Variants in TNS3 observed in about 807,000 individuals in gnomAD.
TNS3 encodes the protein tensin 3, also known as tensin-3.
TNS3 carries 45 observed loss-of-function variants against 140.9 expected under a neutral mutation model. That is an observed-to-expected ratio of 0.32 (90% CI 0.25 to 0.41). The LOEUF (loss-of-function observed/expected upper bound fraction) is 0.41, where lower values mean the gene tolerates loss of function less well. Among genes scored for constraint, TNS3 ranks in the 10% least tolerant of loss-of-function variants. The pLI is 1.00. For synonymous variants in TNS3, 815 were observed against 788.4 expected (o/e 1.03, Z -0.56); for missense variants, 1,716 against 1,906.7 (o/e 0.90, Z 1.86).
intron 2 of TNS3, among the ~76,000 whole-genome samples, chr7:47,514,308 C>A (rs969130773): frequency 6.6e-6 from 1 of 152,228 alleles, no homozygotes; most frequent in Non-Finnish European, 1.5e-5. Flanking sequence ...CTCCTGAAGT[C>A]CTAATACTGC....
chr7:47,303,000 T>C lies in TNS3; in HGVS notation c.3407A>G (p.Asn1136Ser). 6.2e-7 allele frequency: 1 copy of C among 1,613,240 alleles called. No homozygotes were observed. The highest frequency in any genetic ancestry group is 8.5e-7 in the Non-Finnish European group (1 of 1,179,374). Residue 1136 changes from asparagine to serine, a missense_variant, in exon 22 of 31, where the codon AAT (asparagine) becomes AGT (serine). By Grantham distance (46) the Asn-to-Ser change is conservative. Transcript: ENST00000311160. ...AGCCTTGGAAAAGTCGGGAAGGACA[T>C]TTGGGAAGGGGATACTGATGGTGCT... ...SGSTISIPFP[N>S]VLPDFSKASE...
chr7:47,330,062 G>A (rs1418543203), intron 20 of TNS3, among the ~76,000 whole-genome samples: 1 of 152,216 alleles, frequency 6.6e-6, no homozygotes, highest in Admixed American at 6.5e-5. Context: ...GTGGGCTCCA[G>A]GTGGCAGCAA....
chr7:47,544,509 A>G (rs902258351), intron 1 of TNS3, among the ~76,000 whole-genome samples: 2 of 152,140 alleles, frequency 1.3e-5, no homozygotes, highest in African/African-American at 4.8e-5. Flanking sequence ...GGGACCCCAC[A>G]AGACCCTTCA....
chr7:47,478,660 T>C (rs1158265449), intron 4 of TNS3, among the ~76,000 whole-genome samples: 3 of 152,028 alleles, frequency 2.0e-5, no homozygotes, highest in African/African-American at 7.2e-5. Flanking sequence ...TTACATAACA[T>C]ATATACACTC....
intron 4 of TNS3, among the ~76,000 whole-genome samples, chr7:47,459,006 G>T (rs1237435880): frequency 6.6e-6 from 1 of 152,020 alleles, no homozygotes; most frequent in East Asian, 1.9e-4. Context: ...ACTTTCTTCC[G>T]CCCATACTTA....
chr7:47,278,489 T>C, intron 30 of TNS3: 1 of 399,656 alleles, frequency 2.5e-6, no homozygotes, highest in Non-Finnish European at 4.5e-6. Flanking sequence ...GGTTAGGACC[T>C]GAATCAAAGC....
intron 3 of TNS3, among the ~76,000 whole-genome samples, chr7:47,495,887 AG>A (rs982261428): frequency 1.1e-4 from 17 of 152,220 alleles, no homozygotes; most frequent in African/African-American, 3.6e-4. Flanking sequence ...GGCAGAGGGA[AG>A]GGGTAAGGAC....
chr7:47,389,542 G>T (rs901418424), intron 16 of TNS3, among the ~76,000 whole-genome samples: 2 of 152,164 alleles, frequency 1.3e-5, no homozygotes, highest in Non-Finnish European at 2.9e-5. Context: ...GAAAAGTAAC[G>T]AACACTTAAT....
intron 1 of TNS3, among the ~76,000 whole-genome samples, chr7:47,530,838 A>AAAAAAAAAAAAATATATATAT: frequency 1.8e-5 from 1 of 54,566 alleles, no homozygotes; most frequent in East Asian, 4.9e-4. Context: ...AAAAAAAAAA[A>AAAAAAAAAAAAATATATATAT]ATATATATAT....
intron 28 of TNS3, among the ~76,000 whole-genome samples, chr7:47,282,287 GC>G (rs1562754981): frequency 1.3e-5 from 2 of 150,862 alleles, no homozygotes; most frequent in East Asian, 4.0e-4. Context: ...GCTGAGCCAT[GC>G]CCCTGACCCT....
chr7:47,501,116 G>A (rs2151861647), intron 3 of TNS3, among the ~76,000 whole-genome samples: 1 of 137,860 alleles, frequency 7.3e-6, no homozygotes, highest in South Asian at 2.4e-4. Context: ...AGGGAGAAAG[G>A]GAGAAGAGGA....
At chr7:47,366,364 C>T (rs1452263814) in intron 17 of TNS3, among the ~76,000 whole-genome samples, 1 of 152,190 alleles carries the variant, frequency 6.6e-6, no homozygotes, top group East Asian at 1.9e-4. Context: ...GAGGGAGTTA[C>T]TCAGGCAAGC....
chr7:47,489,006 C>T (rs1797713661), intron 3 of TNS3, among the ~76,000 whole-genome samples: 1 of 152,228 alleles, frequency 6.6e-6, no homozygotes, highest in Non-Finnish European at 1.5e-5. Context: ...ACTTTCTCTG[C>T]TTCCTTCAAG....
intron 17 of TNS3, among the ~76,000 whole-genome samples, chr7:47,350,810 G>A (rs1247024197): frequency 2.0e-5 from 3 of 152,128 alleles, no homozygotes; most frequent in African/African-American, 7.2e-5. Flanking sequence ...TGTTATAATG[G>A]GCCACACTCA....
Position 47,293,728 on chromosome 7 carries a change from C to G in TNS3, c.3772+5G>C. The G allele has an allele frequency of 6.2e-7, 1 of 1,613,884 alleles. No homozygotes were observed. The highest frequency in any genetic ancestry group is 1.1e-5 in the South Asian group (1 of 91,074). On this transcript the variant is annotated splice_donor_5th_base_variant and intron_variant, in intron 25 of 30. Coordinates refer to ENST00000311160, the MANE Select transcript of TNS3 (RefSeq NM_022748.12). ...ACATTGACAGCAACCTCTCAAGCAA[C>G]TCACCGAAATATGGTTCATTCGAGC...
chr7:47,353,277 C>T (rs139455336), intron 17 of TNS3, among the ~76,000 whole-genome samples: 3,178 of 152,238 alleles, frequency 0.021, 76 homozygotes, highest in Non-Finnish European at 0.029. Flanking sequence ...TTTGCTAAGT[C>T]GGTGAGCTCT....
intron 17 of TNS3, among the ~76,000 whole-genome samples, chr7:47,366,628 G>A (rs1043883432): frequency 4.6e-5 from 7 of 151,734 alleles, no homozygotes; most frequent in African/African-American, 1.5e-4. Context: ...CCCCAGACCT[G>A]AGTCGGGACT....
chr7:47,453,956 T>C (rs188779685), intron 4 of TNS3, among the ~76,000 whole-genome samples: 196 of 152,378 alleles, frequency 1.3e-3, no homozygotes, highest in African/African-American at 4.5e-3. Context: ...TCCCTTTAAC[T>C]GACAGGGAGA....
chr7:47,398,203 T>G (rs1334985452), intron 15 of TNS3, among the ~76,000 whole-genome samples: 1 of 152,092 alleles, frequency 6.6e-6, no homozygotes, highest in Non-Finnish European at 1.5e-5. Context: ...CAGGGCCAGA[T>G]GGATTCACAG....
Sources: allele counts gnomAD v4.1 joint callset (sites outside exome capture counted in the v4.1 genomes callset), GRCh38; gene constraint gnomAD v4.1.1; transcripts MANE v1.5; gene names NCBI Gene and HGNC (gene_info 2026-07-23, HGNC 2026-07-21).